The following ABLIM1 variants were observed in gnomAD, a reference collection of about 807,000 sequenced individuals.
ABLIM1 encodes the protein actin-binding LIM protein 1.
ABLIM1 carries 40 observed loss-of-function variants against 107.0 expected under a neutral mutation model. The ratio of observed to expected loss-of-function variants is 0.37; its 90% CI spans 0.29 to 0.49. The LOEUF (loss-of-function observed/expected upper bound fraction) is 0.49. Ranked by LOEUF, ABLIM1 falls within the 20% of genes least tolerant of loss-of-function variation. The pLI, the probability that ABLIM1 is intolerant of heterozygous loss-of-function variation, is 0.97. For synonymous variants in ABLIM1, 357 were observed against 357.3 expected, an observed-to-expected ratio of 1.00 and a Z score of 0.01; for missense variants, 857 against 1,008.5, an observed-to-expected ratio of 0.85 and a Z score of 2.04.
chr10:114,642,033 C>A (rs907899137), intron 1 of ABLIM1, among the ~76,000 whole-genome samples: 10 of 152,112 alleles, frequency 6.6e-5, no homozygotes, highest in African/African-American at 2.4e-4. Flanking sequence ...CAGGTGTGCA[C>A]CACCATACCT....
At chr10:114,718,278 T>TA (rs2081752158) in intron 1 of ABLIM1, among the ~76,000 whole-genome samples, 1 of 152,030 alleles carries the variant, frequency 6.6e-6, no homozygotes, top group Non-Finnish European at 1.5e-5. Flanking sequence ...CAAATAAAAC[T>TA]TCCAAACTAT....
At position 114,739,920 on chromosome 10, in the gene ABLIM1, C is replaced by T. The variant is rs1697787581; in HGVS notation, c.-213+28141G>A. 2.0e-5 allele frequency among the ~76,000 whole-genome samples: 3 copies of T among 151,994 alleles called. No homozygotes were observed. In the South Asian group the frequency reaches 6.2e-4, roughly 32 times the overall value. ...TTAGGGCATATTTCTATTAATAAAA[C>T]TAAAGTAAAAAGAAGCAATAAATAT... On this transcript the variant is annotated intron_variant, in intron 1 of 15. Coordinates refer to the ABLIM1 transcript ENST00000651092.
chr10:114,668,752 G>T (rs187593364), intron 1 of ABLIM1, among the ~76,000 whole-genome samples: 2 of 152,306 alleles, frequency 1.3e-5, no homozygotes, highest in Middle Eastern at 3.4e-3. Flanking sequence ...AGATTTGGTG[G>T]AAAGAGGTAA....
intron 6 of ABLIM1, chr10:114,526,764 G>A (rs2064832529): frequency 6.1e-6 from 6 of 985,408 alleles, no homozygotes; most frequent in African/African-American, 5.2e-5. Context: ...CTTTGTAGAT[G>A]CCAGACCTCA....
At chr10:114,608,393 G>C (rs1375881883) in intron 1 of ABLIM1, among the ~76,000 whole-genome samples, 1 of 152,238 alleles carries the variant, frequency 6.6e-6, no homozygotes, top group Non-Finnish European at 1.5e-5. Context: ...AAGATGGCCG[G>C]GGGCAGTGGC....
At chr10:114,775,087 A>G in the ABLIM1 span, among the ~76,000 whole-genome samples, 1 of 152,154 alleles carries the variant, frequency 6.6e-6, no homozygotes, top group Admixed American at 6.5e-5. Flanking sequence ...AAGAGGAAGC[A>G]AAGACCCTCT....
chr10:114,611,138 C>T (rs2140231038), intron 1 of ABLIM1, among the ~76,000 whole-genome samples: 1 of 145,050 alleles, frequency 6.9e-6, no homozygotes, highest in Non-Finnish European at 1.5e-5. Flanking sequence ...GGGGACAGAG[C>T]AAGACTCCAT....
chr10:114,620,157 A>C (rs1466234683), intron 1 of ABLIM1, among the ~76,000 whole-genome samples: 1 of 152,214 alleles, frequency 6.6e-6, no homozygotes, highest in Admixed American at 6.5e-5. Context: ...TGGAACATAA[A>C]ATAAGTTTAA....
chr10:114,766,423 G>A (rs1357580007), intron 1 of ABLIM1, among the ~76,000 whole-genome samples: 1 of 152,136 alleles, frequency 6.6e-6, no homozygotes, highest in Non-Finnish European at 1.5e-5. Flanking sequence ...AAGAAGAAAT[G>A]TTTGAGAACT....
intron 6 of ABLIM1, among the ~76,000 whole-genome samples, chr10:114,539,304 G>A (rs1313895870): frequency 6.6e-6 from 1 of 152,182 alleles, no homozygotes; most frequent in Non-Finnish European, 1.5e-5. Flanking sequence ...GGTGCAGTGA[G>A]CTGAGATCAT....
Position 114,525,796 on chromosome 10 carries a change from G to A in ABLIM1, c.894+19209C>T, listed in dbSNP as rs114840235. Among the ~76,000 whole-genome samples, 732 of 152,208 alleles carry A rather than the reference G, an allele frequency of 4.8e-3. 6 individuals carry two copies. Among genetic ancestry groups the A allele is most frequent in the African/African-American group, 0.017 (693 of 41,514 alleles). The stretch of plus-strand genomic sequence containing the variant: ...AAGTGACAAATGAAGCTGCTATAGC[G>A]ACCACACTCCTGCTGGCTTATGGCC... On this transcript the variant is annotated intron_variant, in intron 6 of 22. Coordinates refer to ENST00000533213, the MANE Select transcript of ABLIM1 (RefSeq NM_002313.7).
At chr10:114,440,482 G>A (rs993737128) in intron 19 of ABLIM1, among the ~76,000 whole-genome samples, 6 of 151,152 alleles carry the variant, frequency 4.0e-5, no homozygotes, top group East Asian at 3.9e-4. Context: ...GTCTTGCTCC[G>A]TCACCCAGGC....
intron 1 of ABLIM1, among the ~76,000 whole-genome samples, chr10:114,691,342 A>G (rs1287936576): frequency 1.3e-5 from 2 of 152,236 alleles, no homozygotes; most frequent in Non-Finnish European, 2.9e-5. Flanking sequence ...ATATAAACGA[A>G]TAACTAGAAG....
At chr10:114,531,873 G>A (rs1456104392) in intron 6 of ABLIM1, among the ~76,000 whole-genome samples, 1 of 152,040 alleles carries the variant, frequency 6.6e-6, no homozygotes, top group Non-Finnish European at 1.5e-5. Context: ...TCTATGCAGT[G>A]GTGCCATCTC....
intron 6 of ABLIM1, among the ~76,000 whole-genome samples, chr10:114,517,867 C>T (rs973192302): frequency 1.3e-5 from 2 of 152,090 alleles, no homozygotes; most frequent in South Asian, 4.2e-4. Context: ...TAACGCTGCA[C>T]GGGCTGACAT....
At chr10:114,638,854 C>T (rs779958684) in intron 1 of ABLIM1, among the ~76,000 whole-genome samples, 1 of 152,154 alleles carries the variant, frequency 6.6e-6, no homozygotes, top group African/African-American at 2.4e-5. Flanking sequence ...GCATCATAAC[C>T]TTGGTCTGTG....
At position 114,727,879 on chromosome 10, in the gene ABLIM1, T is replaced by C. The variant is rs577073196; in HGVS notation, c.-213+40182A>G. Among the ~76,000 whole-genome samples, 19 of 152,206 alleles carry C rather than the reference T, an allele frequency of 1.2e-4. 1 individual carries two copies. Among genetic ancestry groups the C allele is most frequent in the African/African-American group, 4.6e-4 (19 of 41,520 alleles). ...TCAAGGCTACAGTGAGCCATGATCA[T>C]GCCACATTGCACTCCAGCCTGGGCA... On this transcript the variant is annotated intron_variant, in intron 1 of 15. Coordinates refer to the ABLIM1 transcript ENST00000651092.
chr10:114,565,956 C>G (rs894270107), intron 4 of ABLIM1, among the ~76,000 whole-genome samples: 5 of 151,778 alleles, frequency 3.3e-5, no homozygotes, highest in South Asian at 2.1e-4. Flanking sequence ...CACCATGCCT[C>G]GCTAATTTTT....
intron 12 of ABLIM1, among the ~76,000 whole-genome samples, chr10:114,453,865 C>T (rs932643469): frequency 3.3e-5 from 5 of 152,060 alleles, no homozygotes; most frequent in East Asian, 1.9e-4. Context: ...TGTAAAGGAG[C>T]GGGCTAGGCA....
Sources: gnomAD v4.1 joint callset for allele counts (sites outside exome capture counted in the v4.1 genomes callset) on GRCh38, gnomAD v4.1.1 for gene constraint, MANE v1.5 for transcripts, NCBI Gene and HGNC (gene_info 2026-07-23, HGNC 2026-07-21) for gene names.